The following DCHS2 variants were observed in gnomAD, a reference collection of about 807,000 sequenced individuals.
The protein encoded by DCHS2 is dachsous cadherin-related 2.
Under a neutral mutation model 182.4 loss-of-function variants are expected in DCHS2, and 142 were observed. The observed-to-expected ratio is 0.78, with a 90% CI of 0.68 to 0.89. The LOEUF is 0.89. Ranked by LOEUF, DCHS2 falls within the 40% of genes least tolerant of loss-of-function variation. DCHS2 has a pLI of 0.00. For synonymous variants in DCHS2, 1,740 were observed against 1,663.3 expected, an observed-to-expected ratio of 1.05 and a Z score of -1.12; for missense variants, 4,319 against 4,198.6, an observed-to-expected ratio of 1.03 and a Z score of -0.79.
intron 1 of DCHS2, among the ~76,000 whole-genome samples, chr4:154,416,102 G>T (rs1193129670): frequency 6.6e-6 from 1 of 152,108 alleles, no homozygotes; most frequent in African/African-American, 2.4e-5. Flanking sequence ...AAGTTTGAAG[G>T]CTGATGCAGT....
At chr4:154,378,668 A>G (rs758251140) in intron 1 of DCHS2, among the ~76,000 whole-genome samples, 5 of 152,182 alleles carry the variant, frequency 3.3e-5, no homozygotes, top group Non-Finnish European at 7.4e-5. Flanking sequence ...CAGATCAGAC[A>G]AGTCAGGCTC....
In DCHS2 at chr4:154,329,509, G is replaced by T; in HGVS notation, c.3918+14C>A. ...TAAGATATTACAAATTCATTGCAAG[G>T]TTTCTTCACAAACCTTCACGTGTAA... On this transcript the variant is annotated intron_variant, in intron 6 of 19. Transcript: ENST00000357232. 1.9e-6 allele frequency: 3 copies of T among 1,608,740 alleles called. No individual in the cohort carries two copies. The highest frequency in any genetic ancestry group is 2.6e-6 in the Non-Finnish European group (3 of 1,176,134).
At chr4:154,391,124 C>T in intron 1 of DCHS2, 2 of 1,558,370 alleles carry the variant, frequency 1.3e-6, no homozygotes, top group Non-Finnish European at 1.8e-6. Flanking sequence ...AAGGAACAGA[C>T]TTATAAAAGC....
rs528605968 is a variant in DCHS2 at position 154,315,685 on chromosome 4, G to A, written c.5260+63C>T. 263 of 1,566,676 alleles carry A rather than the reference G, an allele frequency of 1.7e-4. No individual in the cohort carries two copies. The East Asian group carries it at 2.3e-3, about 13-fold the overall frequency. On this transcript the variant is annotated intron_variant, in intron 10 of 19. Coordinates refer to ENST00000357232, the MANE Select transcript of DCHS2 (RefSeq NM_001358235.2). ...CTGAGCCATAACTATTATAAATTAC[G>A]TCAATTATAATCTTCAATTTCTTTT...
intron 16 of DCHS2, among the ~76,000 whole-genome samples, chr4:154,253,089 G>A (rs1363415492): frequency 1.5e-5 from 2 of 136,778 alleles, no homozygotes; most frequent in African/African-American, 5.3e-5. Context: ...CACAGCAGGT[G>A]TTGTGCGGGG....
intron 1 of DCHS2, among the ~76,000 whole-genome samples, chr4:154,390,499 C>T (rs1731648749): frequency 6.6e-6 from 1 of 151,734 alleles, no homozygotes; most frequent in Non-Finnish European, 1.5e-5. Context: ...ATCACTAAGT[C>T]ATTCACACAC....
At chr4:154,362,108 G>C (rs1253190360) in intron 3 of DCHS2, among the ~76,000 whole-genome samples, 1 of 152,116 alleles carries the variant, frequency 6.6e-6, no homozygotes, top group African/African-American at 2.4e-5. Flanking sequence ...GGATAAAAAG[G>C]AAGAAGGAAA....
chr4:154,441,251 C>G (rs1266634193), intron 1 of DCHS2, among the ~76,000 whole-genome samples: 2 of 152,128 alleles, frequency 1.3e-5, no homozygotes, highest in Non-Finnish European at 1.5e-5. Flanking sequence ...TATGATAATA[C>G]AGTATGTTCA....
At chr4:154,291,109 G>A (rs75698111) in intron 13 of DCHS2, among the ~76,000 whole-genome samples, 2 of 152,026 alleles carry the variant, frequency 1.3e-5, no homozygotes, top group Non-Finnish European at 1.5e-5. Context: ...CTAATAATCC[G>A]ATTAAAAAAT....
intron 1 of DCHS2, among the ~76,000 whole-genome samples, chr4:154,444,816 A>C (rs148179335): frequency 6.6e-6 from 1 of 152,256 alleles, no homozygotes; most frequent in Non-Finnish European, 1.5e-5. Context: ...GCCCCTGACC[A>C]TCTCTCCACA....
intron 1 of DCHS2, among the ~76,000 whole-genome samples, chr4:154,438,411 A>C (rs183960397): frequency 3.2e-3 from 484 of 152,238 alleles, no homozygotes; most frequent in Non-Finnish European, 5.0e-3. Context: ...ACAGTTCGCT[A>C]TTTTCATTAC....
chr4:154,325,629 A>C (rs1158830780), intron 7 of DCHS2, among the ~76,000 whole-genome samples: 1 of 152,034 alleles, frequency 6.6e-6, no homozygotes, highest in Non-Finnish European at 1.5e-5. Flanking sequence ...AGAGTCTCTG[A>C]AGGAGGGGAC....
intron 1 of DCHS2, among the ~76,000 whole-genome samples, chr4:154,478,919 A>C (rs898869236): frequency 6.6e-6 from 1 of 152,218 alleles, no homozygotes; most frequent in Admixed American, 6.5e-5. Flanking sequence ...AAACATACAC[A>C]ATGTCCGGAA....
Position 154,490,873 on chromosome 4 carries a change from A to C in DCHS2, c.483T>G (p.Asn161Lys), listed in dbSNP as rs1308524454. The change falls in exon 1 of 20, where the codon AAT (asparagine) becomes AAG (lysine). Residue 161 changes from asparagine (N) to lysine (K), a missense_variant. By Grantham distance (94) the Asn-to-Lys change is moderately conservative. Coordinates refer to ENST00000357232, the MANE Select transcript of DCHS2 (RefSeq NM_001358235.2). ...CGAGGGGAAAGCGGGGCGAGTGGTC[A>C]TTCACGTCGTTGACGCGAATCTCCA... is the stretch of plus-strand genomic sequence containing the variant. ...VQVEIRVNDV[N>K]DHSPRFPLDS... 1 of 1,551,504 alleles carries C rather than the reference A, an allele frequency of 6.4e-7. No individual in the cohort carries two copies. The highest frequency in any genetic ancestry group is 2.0e-5 in the Admixed American group (1 of 51,016).
chr4:154,253,465 A>G (rs1450169376), intron 16 of DCHS2, among the ~76,000 whole-genome samples: 1 of 152,206 alleles, frequency 6.6e-6, no homozygotes, highest in Non-Finnish European at 1.5e-5. Context: ...AAATCAGAAA[A>G]TGCTTAGTTC....
chr4:154,255,547 G>A lies in DCHS2; in HGVS notation c.6913C>T (p.Leu2305=). 1.2e-6 allele frequency: 2 copies of A among 1,613,800 alleles called. No homozygotes were observed. Among genetic ancestry groups the A allele is most frequent in the Non-Finnish European group, 1.7e-6 (2 of 1,179,820 alleles). The change falls in exon 16 of 20, where the codon CTA becomes TTA. Residue 2305 remains leucine, a synonymous_variant. Coordinates refer to ENST00000357232, the MANE Select transcript of DCHS2 (RefSeq NM_001358235.2). ...TAGGAGCTGGTGAGCTCGTAATCTA[G>A]AATCGCTTTTGTTGTTATCACACCA... is the stretch of plus-strand genomic sequence containing the variant. ...LSGVITTKAI[L]DYELTSSYSL...
At chr4:154,307,759 T>C (rs1243236508) in intron 10 of DCHS2, among the ~76,000 whole-genome samples, 3 of 152,160 alleles carry the variant, frequency 2.0e-5, no homozygotes, top group Non-Finnish European at 4.4e-5. Flanking sequence ...GCAGTGCTGT[T>C]GTATCTGGCA....
Position 154,326,099 on chromosome 4 carries a change from T to G in DCHS2, c.4018+1994A>C, listed in dbSNP as rs142048491. ...TCTCACTCTGCACATATAGAGTTCC[T>G]CTAGGGTAACAGAAGTAGAACTGCA... On this transcript the variant is annotated intron_variant, in intron 7 of 19. Transcript: ENST00000357232. Among the ~76,000 whole-genome samples the G allele has an allele frequency of 6.1e-3, 929 of 152,338 alleles. 7 individuals are homozygous for G. Among genetic ancestry groups the G allele is most frequent in the Non-Finnish European group, 0.01 (704 of 68,030 alleles).
intron 13 of DCHS2, among the ~76,000 whole-genome samples, chr4:154,295,261 C>G (rs957750557): frequency 1.3e-5 from 2 of 152,210 alleles, no homozygotes; most frequent in East Asian, 1.9e-4. Context: ...TCTTCCTTCC[C>G]TACAGCTAAC....
Sources: gnomAD v4.1 joint callset for allele counts (sites outside exome capture counted in the v4.1 genomes callset) on GRCh38, gnomAD v4.1.1 for gene constraint, MANE v1.5 for transcripts, NCBI Gene and HGNC (gene_info 2026-07-23, HGNC 2026-07-21) for gene names.